MB21D2: variants seen among roughly 807,000 people sequenced by gnomAD.
MB21D2 encodes nucleotidyltransferase MB21D2.
Under a neutral mutation model 33.3 loss-of-function variants are expected in MB21D2, and 9 were observed. That is an observed-to-expected ratio of 0.27 (90% CI 0.16 to 0.47). The LOEUF (loss-of-function observed/expected upper bound fraction) is 0.47, where lower values mean the gene tolerates loss of function less well. Ranked by LOEUF, MB21D2 falls within the 20% of genes least tolerant of loss-of-function variation. The pLI, the probability that MB21D2 is intolerant of heterozygous loss-of-function variation, is 0.99. For missense variants in MB21D2, 540 were observed against 624.6 expected, an observed-to-expected ratio of 0.86 and a Z score of 1.44; for synonymous variants, 241 against 236.3, an observed-to-expected ratio of 1.02 and a Z score of -0.18.
chr3:192,845,915 CA>C (rs1017482880), intron 1 of MB21D2, among the ~76,000 whole-genome samples: 1 of 149,254 alleles, frequency 6.7e-6, no homozygotes, highest in Non-Finnish European at 1.5e-5. Context: ...CCTGTCTCTA[CA>C]AAAAATAAAA....
At chr3:192,872,524 C>T (rs950675422) in intron 1 of MB21D2, among the ~76,000 whole-genome samples, 6 of 150,510 alleles carry the variant, frequency 4.0e-5, no homozygotes, top group African/African-American at 7.4e-5. Flanking sequence ...TGCAGTGAGC[C>T]GAGATCGCGC....
intron 1 of MB21D2, among the ~76,000 whole-genome samples, chr3:192,840,884 C>G (rs1712556032): frequency 6.6e-6 from 1 of 152,134 alleles, no homozygotes; most frequent in African/African-American, 2.4e-5. Context: ...CCAAGTTGTT[C>G]CTTTTAATTA....
chr3:192,885,473 A>AAC (rs1241812944), intron 1 of MB21D2, among the ~76,000 whole-genome samples: 5 of 152,174 alleles, frequency 3.3e-5, no homozygotes, highest in African/African-American at 1.2e-4. Context: ...TTATAATGAG[A>AAC]ACTGATCAGT....
intron 1 of MB21D2, among the ~76,000 whole-genome samples, chr3:192,857,978 A>C: frequency 6.6e-6 from 1 of 152,164 alleles, no homozygotes; most frequent in Admixed American, 6.5e-5. Context: ...TACAAAAATT[A>C]GCCGGGCATG....
chr3:192,916,258 C>A (rs574213658), intron 1 of MB21D2, among the ~76,000 whole-genome samples: 6 of 152,216 alleles, frequency 3.9e-5, no homozygotes, highest in Admixed American at 3.9e-4. Context: ...CATGTTTCAT[C>A]TAACTTCCCA....
intron 1 of MB21D2, among the ~76,000 whole-genome samples, chr3:192,849,084 C>T (rs1409941152): frequency 1.3e-5 from 2 of 152,104 alleles, no homozygotes; most frequent in East Asian, 1.9e-4. Context: ...AATGGGGCAG[C>T]CCCCTGCTCA....
At chr3:192,849,621 C>T (rs1365842566) in intron 1 of MB21D2, among the ~76,000 whole-genome samples, 1 of 152,094 alleles carries the variant, frequency 6.6e-6, no homozygotes, top group Admixed American at 6.6e-5. Flanking sequence ...CGGCTGTCAC[C>T]GTCTTACTTT....
At chr3:192,862,427 A>T (rs957275873) in intron 1 of MB21D2, among the ~76,000 whole-genome samples, 1 of 152,222 alleles carries the variant, frequency 6.6e-6, no homozygotes, top group Non-Finnish European at 1.5e-5. Flanking sequence ...AATAATAATA[A>T]TTCTCAGAAA....
chr3:192,821,911 C>G (rs1712067917), intron 1 of MB21D2, among the ~76,000 whole-genome samples: 1 of 152,110 alleles, frequency 6.6e-6, no homozygotes, highest in East Asian at 1.9e-4. Context: ...TTCTCTTCCT[C>G]TTCCTTTCCC....
Position 192,828,641 on chromosome 3 carries a change from T to C in MB21D2, c.212-28991A>G, listed in dbSNP as rs1289735047. Among the ~76,000 whole-genome samples, 74 of 34,386 alleles carry C rather than the reference T, an allele frequency of 2.2e-3. 5 individuals carry two copies. The highest frequency in any genetic ancestry group is 0.019 in the East Asian group (18 of 928). 22.6% of individuals were successfully genotyped at this position (34,386 alleles called of 152,430 possible). A position where few individuals can be genotyped will look rare whatever the true frequency, so the allele number is the denominator to read the frequency against. ...ATATATATATATATATATATATATA[T>C]ATATATATATATATATATATATTTT... On this transcript the variant is annotated intron_variant, in intron 1 of 1. Transcript: ENST00000392452.
At chr3:192,810,168 G>T (rs1167447609) in intron 1 of MB21D2, among the ~76,000 whole-genome samples, 2 of 152,134 alleles carry the variant, frequency 1.3e-5, no homozygotes, top group Non-Finnish European at 2.9e-5. Context: ...GTCACATTTT[G>T]TCTCTGTACA....
chr3:192,815,645 T>C (rs1325253118), intron 1 of MB21D2, among the ~76,000 whole-genome samples: 1 of 152,192 alleles, frequency 6.6e-6, no homozygotes, highest in Non-Finnish European at 1.5e-5. Flanking sequence ...GGAAGACAAC[T>C]TTGGCGGGCT....
chr3:192,806,711 A>G (rs898634785), intron 1 of MB21D2, among the ~76,000 whole-genome samples: 2 of 152,210 alleles, frequency 1.3e-5, no homozygotes, highest in African/African-American at 4.8e-5. Context: ...TTGCCCTACA[A>G]TATAATATGA....
At chr3:192,831,864 T>C (rs933900567) in intron 1 of MB21D2, among the ~76,000 whole-genome samples, 1 of 152,236 alleles carries the variant, frequency 6.6e-6, no homozygotes, top group Non-Finnish European at 1.5e-5. Context: ...GGCAGCATCC[T>C]GAAGCACCAC....
At chr3:192,821,660 T>G (rs919158148) in intron 1 of MB21D2, among the ~76,000 whole-genome samples, 1 of 152,300 alleles carries the variant, frequency 6.6e-6, no homozygotes, top group Middle Eastern at 3.4e-3. Flanking sequence ...TAATTAACAT[T>G]TACTCTTTGG....
intron 1 of MB21D2, among the ~76,000 whole-genome samples, chr3:192,802,538 A>T (rs1229124686): frequency 6.6e-6 from 1 of 152,158 alleles, no homozygotes; most frequent in East Asian, 1.9e-4. Flanking sequence ...CTTAATCCGG[A>T]TTGAAAGTTC....
intron 1 of MB21D2, among the ~76,000 whole-genome samples, chr3:192,858,442 C>A (rs1477173648): frequency 2.0e-5 from 3 of 152,194 alleles, no homozygotes; most frequent in Non-Finnish European, 4.4e-5. Context: ...TAATTCATAT[C>A]TGAATCCTAA....
chr3:192,833,752 G>A (rs145455675), intron 1 of MB21D2, among the ~76,000 whole-genome samples: 201 of 152,312 alleles, frequency 1.3e-3, no homozygotes, highest in African/African-American at 4.4e-3. Context: ...ACTTTAGAGC[G>A]TGGGATAGTG....
intron 1 of MB21D2, among the ~76,000 whole-genome samples, chr3:192,841,508 T>C (rs1434106483): frequency 4.6e-5 from 7 of 152,204 alleles, no homozygotes; most frequent in African/African-American, 1.4e-4. Flanking sequence ...AGTAGCGCTA[T>C]GGGGAGGACA....
Sources: gnomAD v4.1 joint callset for allele counts (sites outside exome capture counted in the v4.1 genomes callset) on GRCh38, gnomAD v4.1.1 for gene constraint, MANE v1.5 for transcripts, NCBI Gene and HGNC (gene_info 2026-07-23, HGNC 2026-07-21) for gene names.